The following CYB5R4 variants were observed in gnomAD, a reference collection of about 807,000 sequenced individuals.
CYB5R4 encodes the protein N-terminal cytochrome b5 and cytochrome b5 oxidoreductase domain-containing protein.
A neutral mutation model predicts 70.2 loss-of-function variants in CYB5R4; 55 were observed. The ratio of observed to expected loss-of-function variants is 0.78; its 90% CI spans 0.63 to 0.98. CYB5R4 has a LOEUF of 0.98. Among genes scored for constraint, CYB5R4 ranks in the 50% least tolerant of loss-of-function variants. CYB5R4 has a pLI of 0.00. For synonymous variants in CYB5R4, 197 were observed against 199.5 expected, an observed-to-expected ratio of 0.99 and a Z score of 0.11; for missense variants, 562 against 612.6, an observed-to-expected ratio of 0.92 and a Z score of 0.87.
chr6:83,886,664 C>T (rs565753038), intron 2 of CYB5R4, among the ~76,000 whole-genome samples: 54 of 152,268 alleles, frequency 3.5e-4, no homozygotes, highest in African/African-American at 1.3e-3. Flanking sequence ...TTTCTGTGTA[C>T]TGTTAAATTG....
intron 14 of CYB5R4, among the ~76,000 whole-genome samples, chr6:83,955,064 A>G (rs992745834): frequency 3.3e-4 from 50 of 152,146 alleles, no homozygotes; most frequent in African/African-American, 1.2e-3. Flanking sequence ...CAATTTAAAA[A>G]AAAATGCCAA....
At chr6:83,861,385 T>C (rs914224476) in intron 1 of CYB5R4, among the ~76,000 whole-genome samples, 2 of 152,140 alleles carry the variant, frequency 1.3e-5, no homozygotes, top group Non-Finnish European at 1.5e-5. Flanking sequence ...TGGGTAGAGG[T>C]TGAGAAAATA....
chr6:83,961,363 C>T lies in CYB5R4; in HGVS notation c.*1485C>T, dbSNP rs1019864229. The T allele has an allele frequency of 6.6e-6, 1 of 151,894 alleles. No homozygotes were observed. The highest frequency in any genetic ancestry group is 2.4e-5 in the African/African-American group (1 of 41,332). The allele number at this position is 151,894 out of a possible 1,614,324, so 9.4% of individuals were successfully genotyped here. ...GTGAGGTGATTTGGCTCTGTGTCCT[C>T]ACCCAAATCTCCTCTCAAATTGTAA... is the stretch of plus-strand genomic sequence containing the variant. On this transcript the variant is annotated 3_prime_UTR_variant, in exon 16 of 16. Coordinates refer to ENST00000369681, the MANE Select transcript of CYB5R4 (RefSeq NM_016230.4).
intron 5 of CYB5R4, 50 bp downstream of exon 5, chr6:83,914,498 T>C: frequency 7.0e-7 from 1 of 1,421,404 alleles, no homozygotes. Flanking sequence ...TGCTTATGAA[T>C]AGTATTGATA....
chr6:83,891,834 C>G (rs1373766366), intron 2 of CYB5R4, among the ~76,000 whole-genome samples: 1 of 152,178 alleles, frequency 6.6e-6, no homozygotes, highest in African/African-American at 2.4e-5. Context: ...ATGTGCTCAT[C>G]ATGGATAGCT....
chr6:83,966,374 AAAAT>A lies in CYB5R4; in HGVS notation c.*6501_*6504del, dbSNP rs2099474075. ...CATATTATATAAGAAGAAAAGAGTAAAAATAAATCTTTAAAAAAATAAAAATAAA... is the reference window on the plus strand; with the variant it reads ...CATATTATATAAGAAGAAAAGAGTAAAAATCTTTAAAAAAATAAAAATAAA... On this transcript the variant is annotated 3_prime_UTR_variant, in exon 16 of 16. Transcript: ENST00000369681. 6.6e-6 allele frequency: 1 copy of A among 152,286 alleles called. No individual in the cohort carries two copies. The highest frequency in any genetic ancestry group is 2.4e-5 in the African/African-American group (1 of 41,566). 9.4% of individuals were successfully genotyped at this position (152,286 alleles called of 1,614,324 possible). A position where few individuals can be genotyped will look rare whatever the true frequency, so the allele number is the denominator to read the frequency against.
intron 2 of CYB5R4, among the ~76,000 whole-genome samples, chr6:83,871,187 C>T (rs2099457575): frequency 6.6e-6 from 1 of 151,952 alleles, no homozygotes; most frequent in South Asian, 2.1e-4. Context: ...ACCATGTTGG[C>T]CAGGCTGGTC....
chr6:83,892,840 T>G (rs62419663), intron 2 of CYB5R4, among the ~76,000 whole-genome samples: 2 of 149,478 alleles, frequency 1.3e-5, no homozygotes, highest in Non-Finnish European at 3.0e-5. Flanking sequence ...CTCTCTCTCT[T>G]CCTCTCTCTC....
chr6:83,871,431 C>T (rs2099457615), intron 2 of CYB5R4, among the ~76,000 whole-genome samples: 1 of 152,128 alleles, frequency 6.6e-6, no homozygotes, highest in South Asian at 2.1e-4. Context: ...CTGTCTTTAT[C>T]TCCTAAATTG....
At chr6:83,898,053 TGTTTTTATGGTAGC>T (rs375590898) in intron 3 of CYB5R4, among the ~76,000 whole-genome samples, 3,837 of 152,262 alleles carry the variant, frequency 0.025, 157 homozygotes, top group African/African-American at 0.087. Context: ...AACATTTTTA[TGTTTTTATGGTAGC>T]GTTTTTATGG....
intron 10 of CYB5R4, among the ~76,000 whole-genome samples, chr6:83,925,593 A>G (rs569190235): frequency 9.2e-5 from 14 of 152,248 alleles, no homozygotes; most frequent in African/African-American, 2.9e-4. Context: ...AATTGGTAGT[A>G]TTTGCTCCTT....
intron 2 of CYB5R4, among the ~76,000 whole-genome samples, chr6:83,865,295 A>C (rs541861073): frequency 6.6e-6 from 1 of 152,338 alleles, no homozygotes; most frequent in East Asian, 1.9e-4. Flanking sequence ...TATCAACACC[A>C]ATAAATGCTG....
At chr6:83,884,327 G>A (rs1001929342) in intron 2 of CYB5R4, among the ~76,000 whole-genome samples, 5 of 151,870 alleles carry the variant, frequency 3.3e-5, no homozygotes, top group Non-Finnish European at 7.4e-5. Context: ...TAGGCTAAAC[G>A]TAAATGTTTG....
chr6:83,923,943 G>A (rs1048342189), intron 9 of CYB5R4, among the ~76,000 whole-genome samples: 15 of 151,234 alleles, frequency 9.9e-5, no homozygotes, highest in African/African-American at 2.7e-4. Flanking sequence ...GGTGGTGGGC[G>A]CCTGTAGTCC....
chr6:83,887,825 A>C (rs576887074), intron 2 of CYB5R4, among the ~76,000 whole-genome samples: 2 of 152,160 alleles, frequency 1.3e-5, no homozygotes, highest in East Asian at 3.9e-4. Flanking sequence ...GGATGGGTAG[A>C]TGGATGGATA....
At chr6:83,894,627 A>G (rs1428862619) in intron 3 of CYB5R4, among the ~76,000 whole-genome samples, 2 of 152,202 alleles carry the variant, frequency 1.3e-5, no homozygotes, top group East Asian at 3.8e-4. Context: ...CTTAACTACT[A>G]ACAGCCTACT....
At position 83,966,226 on chromosome 6, in the gene CYB5R4, T is replaced by C. The variant is rs555026728; in HGVS notation, c.*6348T>C. The C allele has an allele frequency of 6.6e-6, 1 of 152,332 alleles. No homozygotes were observed. The highest frequency in any genetic ancestry group is 1.5e-5 in the Non-Finnish European group (1 of 68,036). 9.4% of individuals were successfully genotyped at this position (152,332 alleles called of 1,614,324 possible). A position where few individuals can be genotyped will look rare whatever the true frequency, so the allele number is the denominator to read the frequency against. On this transcript the variant is annotated 3_prime_UTR_variant, in exon 16 of 16. Transcript: ENST00000369681. ...GGTTGCACATACTTATGAATATACC[T>C]AAAAATGTTGAATTGTACATTTTAA...
intron 14 of CYB5R4, among the ~76,000 whole-genome samples, chr6:83,950,295 T>C (rs1180749788): frequency 2.6e-5 from 4 of 152,214 alleles, no homozygotes; most frequent in Admixed American, 6.6e-5. Flanking sequence ...CAAAATCTTA[T>C]CCTTTTTTTC....
At chr6:83,866,819 C>G (rs2099456795) in intron 2 of CYB5R4, among the ~76,000 whole-genome samples, 1 of 151,970 alleles carries the variant, frequency 6.6e-6, no homozygotes, top group Non-Finnish European at 1.5e-5. Flanking sequence ...GGGTCTTGCT[C>G]TGTTGCCCAG....
Sources: gnomAD v4.1 joint callset for allele counts (sites outside exome capture counted in the v4.1 genomes callset) on GRCh38, gnomAD v4.1.1 for gene constraint, MANE v1.5 for transcripts, NCBI Gene and HGNC (gene_info 2026-07-23, HGNC 2026-07-21) for gene names.